The following DMXL2 variants were observed in gnomAD, a reference collection of about 807,000 sequenced individuals.
DMXL2 encodes Dmx like 2, also known as dmX-like protein 2.
DMXL2 carries 103 observed loss-of-function variants against 331.1 expected under a neutral mutation model. The observed-to-expected ratio is 0.31, with a 90% CI of 0.27 to 0.37. The LOEUF (loss-of-function observed/expected upper bound fraction) is 0.37. DMXL2 is among the 10% of genes least tolerant of loss of function. DMXL2 has a pLI of 1.00. For synonymous variants in DMXL2, 1,281 were observed against 1,252.1 expected (o/e 1.02, Z -0.49); for missense variants, 3,171 against 3,642.9 (o/e 0.87, Z 3.33).
intron 1 of DMXL2, among the ~76,000 whole-genome samples, chr15:51,588,041 T>C (rs1050504903): frequency 1.1e-4 from 16 of 152,328 alleles, no homozygotes; most frequent in Non-Finnish European, 2.2e-4. Flanking sequence ...GTAAATTTGT[T>C]TGAGTTAATT....
At chr15:51,535,519 T>A (rs942351553) in intron 13 of DMXL2, 144 bp downstream of exon 13, 1 of 625,732 alleles carries the variant, frequency 1.6e-6, no homozygotes, top group Non-Finnish European at 2.4e-6. Flanking sequence ...TAGGAAAAAA[T>A]AAATGTGTCA....
intron 32 of DMXL2, 42 bp downstream of exon 32, chr15:51,464,633 G>A (rs780258994): frequency 2.3e-5 from 36 of 1,562,968 alleles, no homozygotes; most frequent in Non-Finnish European, 3.1e-5. Flanking sequence ...TTCCAGAAAA[G>A]TTAAGCTACG....
intron 1 of DMXL2, among the ~76,000 whole-genome samples, chr15:51,612,600 G>A (rs568212894): frequency 3.8e-4 from 58 of 152,248 alleles, no homozygotes; most frequent in Middle Eastern, 3.4e-3. Context: ...GGGAGTGTAC[G>A]AATAGGGTGT....
intron 43 of DMXL2, among the ~76,000 whole-genome samples, chr15:51,449,735 T>C (rs953167417): frequency 2.0e-5 from 3 of 152,160 alleles, no homozygotes; most frequent in Non-Finnish European, 2.9e-5. Flanking sequence ...AATCCCACCA[T>C]AAAGTCAAGG....
At chr15:51,535,270 A>T (rs1040346703) in intron 13 of DMXL2, among the ~76,000 whole-genome samples, 3 of 152,188 alleles carry the variant, frequency 2.0e-5, no homozygotes, top group African/African-American at 7.2e-5. Flanking sequence ...AGAATTTTTT[A>T]AAATGGTGAA....
intron 39 of DMXL2, 37 bp downstream of exon 39, chr15:51,456,029 T>C (rs776604034): frequency 2.2e-5 from 35 of 1,608,266 alleles, no homozygotes; most frequent in Non-Finnish European, 2.7e-5. Context: ...CCACAACTAT[T>C]TTCAGATGAA....
rs202019976 is a variant in DMXL2, at chr15:51,474,367, C to T, written c.7190G>A (p.Arg2397Gln). ...GGGVKLVVKP[R>Q]RQSENISAPP... ...ACCTGAAATATTTTCTGATTGTCTT[C>T]GAGGTTTCACAACAAGTTTTACACC... Residue 2397 changes from arginine (R) to glutamine (Q), a missense_variant, in exon 28 of 44, where the codon CGA becomes CAA. By Grantham distance (43) the Arg-to-Gln change is conservative. This residue lies in a region of DMXL2 where 766 missense variants were observed against 940.5 expected (regional missense o/e 0.81). Transcript: ENST00000560891. The T allele has an allele frequency of 2.0e-4, 316 of 1,609,632 alleles. 2 individuals carry two copies. In the South Asian group the frequency reaches 3.2e-3, roughly 16 times the overall value.
chr15:51,525,112 T>C (rs1596121234), intron 13 of DMXL2, among the ~76,000 whole-genome samples: 1 of 151,830 alleles, frequency 6.6e-6, no homozygotes, highest in Middle Eastern at 3.4e-3. Context: ...TTCCAGGCCC[T>C]ATTTCCCACA....
intron 6 of DMXL2, among the ~76,000 whole-genome samples, chr15:51,548,186 T>C (rs993414095): frequency 1.3e-5 from 2 of 152,168 alleles, no homozygotes; most frequent in African/African-American, 4.8e-5. Context: ...TATAGTGCTT[T>C]ATAACCAATA....
At position 51,471,625 on chromosome 15, in the gene DMXL2, TA is replaced by T. The variant is rs202191038; in HGVS notation, c.7214-225del. Among the ~76,000 whole-genome samples the T allele has an allele frequency of 9.5e-3, 1,449 of 152,288 alleles. 19 individuals carry two copies. The highest frequency in any genetic ancestry group is 0.034 in the African/African-American group (1,393 of 41,548). Reference sequence around the variant, plus strand: ...AAAGCCTATCTTGCCATGTGCTCCCTAAAATAAGGATTAAAGTAATTCTATA... The same window carrying T: ...AAAGCCTATCTTGCCATGTGCTCCCTAAATAAGGATTAAAGTAATTCTATA... On this transcript the variant is annotated intron_variant, in intron 28 of 43. Coordinates refer to ENST00000560891, the MANE Select transcript of DMXL2 (RefSeq NM_001378457.1).
chr15:51,508,385 T>C (rs2046542669), intron 15 of DMXL2, among the ~76,000 whole-genome samples: 1 of 152,136 alleles, frequency 6.6e-6, no homozygotes, highest in Non-Finnish European at 1.5e-5. Context: ...AAAGGACAGC[T>C]ACAAGATAAA....
At chr15:51,509,721 C>T (rs532497900) in intron 15 of DMXL2, among the ~76,000 whole-genome samples, 8 of 152,178 alleles carry the variant, frequency 5.3e-5, no homozygotes, top group Non-Finnish European at 1.0e-4. Flanking sequence ...CCAGCATCAT[C>T]CTGATACCAA....
intron 13 of DMXL2, among the ~76,000 whole-genome samples, chr15:51,529,944 C>T (rs955185686): frequency 4.6e-5 from 7 of 152,012 alleles, no homozygotes; most frequent in African/African-American, 1.7e-4. Flanking sequence ...TGGTTCAACA[C>T]ATACAAATCA....
At chr15:51,534,958 T>C (rs1390807510) in intron 13 of DMXL2, among the ~76,000 whole-genome samples, 1 of 152,172 alleles carries the variant, frequency 6.6e-6, no homozygotes, top group East Asian at 1.9e-4. Context: ...CCTCTTCTTA[T>C]GTCTTAAACT....
intron 16 of DMXL2, among the ~76,000 whole-genome samples, chr15:51,504,181 C>T (rs979361053): frequency 2.6e-5 from 4 of 152,006 alleles, no homozygotes; most frequent in Non-Finnish European, 4.4e-5. Context: ...ATAGATGGAT[C>T]ATGAACCAAA....
chr15:51,579,653 C>T (rs981716564), intron 1 of DMXL2, among the ~76,000 whole-genome samples: 12 of 152,152 alleles, frequency 7.9e-5, no homozygotes, highest in African/African-American at 2.9e-4. Flanking sequence ...TACCTAGAAA[C>T]TTAGTCAAAG....
At chr15:51,567,718 G>C (rs1392841491) in intron 3 of DMXL2, 1 of 152,264 alleles carries the variant, frequency 6.6e-6, no homozygotes, top group African/African-American at 2.4e-5. Flanking sequence ...TGAGCTCTGA[G>C]ACATAGTAAC....
chr15:51,617,081 C>T (rs1595776040), intron 1 of DMXL2, among the ~76,000 whole-genome samples: 1 of 151,616 alleles, frequency 6.6e-6, no homozygotes, highest in South Asian at 2.1e-4. Flanking sequence ...ACTTGTTTTT[C>T]TACTGTGCCA....
At chr15:51,566,233 GTGTGTGTGTGTGTGTGT>G (rs1567126658) in intron 3 of DMXL2, among the ~76,000 whole-genome samples, 845 of 14,594 alleles carry the variant, frequency 0.058, 6 homozygotes, top group African/African-American at 0.24. Context: ...TGTGTGTGGG[GTGTGTGTGTGTGTGTGT>G]GTGTGTGTGT....
Sources: gnomAD v4.1 joint callset for allele counts (sites outside exome capture counted in the v4.1 genomes callset) on GRCh38, gnomAD v4.1.1 for gene constraint, gnomAD v4.1.1 regional missense constraint, MANE v1.5 for transcripts, NCBI Gene and HGNC (gene_info 2026-07-23, HGNC 2026-07-21) for gene names.